AZIN2: variants seen among roughly 807,000 people sequenced by gnomAD.
The protein encoded by AZIN2 is antizyme inhibitor 2.
Under a neutral mutation model 47.8 loss-of-function variants are expected in AZIN2, and 28 were observed. The ratio of observed to expected loss-of-function variants is 0.59; its 90% CI spans 0.43 to 0.80. The LOEUF (loss-of-function observed/expected upper bound fraction) is 0.80, where lower values mean the gene tolerates loss of function less well. Among genes scored for constraint, AZIN2 ranks in the 30% least tolerant of loss-of-function variants. The pLI is 0.00. For missense variants in AZIN2, 535 were observed against 582.5 expected (o/e 0.92, Z 0.84); for synonymous variants, 221 against 239.4 (o/e 0.92, Z 0.71).
In AZIN2 at chr1:33,121,667, T is replaced by C. The variant is rs1287838388; in HGVS notation, c.*1485T>C. Among the ~76,000 whole-genome samples the C allele has an allele frequency of 6.6e-6, 1 of 152,198 alleles. No individual in the cohort carries two copies. Among genetic ancestry groups the C allele is most frequent in the African/African-American group, 2.4e-5 (1 of 41,458 alleles). ...ACCATCACCCTAGAAAGAAATCCCA[T>C]ACCCATTAGCAGTCACTCTCCATTT... On this transcript the variant is annotated 3_prime_UTR_variant, in exon 12 of 12. Coordinates refer to ENST00000294517, the MANE Select transcript of AZIN2 (RefSeq NM_052998.4).
Position 33,122,944 on chromosome 1 carries a change from G to A in AZIN2, c.*2762G>A, listed in dbSNP as rs1188666939. On this transcript the variant is annotated 3_prime_UTR_variant, in exon 12 of 12. Coordinates refer to ENST00000294517, the MANE Select transcript of AZIN2 (RefSeq NM_052998.4). The stretch of plus-strand genomic sequence containing the variant: ...CAGCAGCCAGATGCCGTACCTCCTG[G>A]GATTCCGTTTCACCAAGAATGAAAT... Among the ~76,000 whole-genome samples, 1 of 152,050 alleles carries A rather than the reference G, an allele frequency of 6.6e-6. No individual in the cohort carries two copies. Among genetic ancestry groups the A allele is most frequent in the African/African-American group, 2.4e-5 (1 of 41,382 alleles).
In AZIN2 at chr1:33,109,152, G is replaced by A. The variant is rs184119237; in HGVS notation, c.1030-8750G>A. On this transcript the variant is annotated intron_variant, in intron 10 of 11. Transcript: ENST00000294517. The stretch of plus-strand genomic sequence containing the variant: ...TTGCCATCTGTATATATTCTTTGGC[G>A]AAGTATCTGTTAAAGTCCTTTGACC... Among the ~76,000 whole-genome samples the A allele has an allele frequency of 1.9e-4, 29 of 152,178 alleles. No individual in the cohort carries two copies. The East Asian group carries it at 4.6e-3, about 24-fold the overall frequency.
chr1:33,158,417 C>G, the AZIN2 span: 1 of 1,563,728 alleles, frequency 6.4e-7, no homozygotes, highest in South Asian at 1.1e-5. Context: ...GGATTCCTGC[C>G]CCAATGCCAG....
At chr1:33,118,606 A>G (rs924139919) in intron 11 of AZIN2, 3 of 156,928 alleles carry the variant, frequency 1.9e-5, no homozygotes, top group African/African-American at 7.2e-5. Context: ...AAGCAGGGGC[A>G]TAACACAGTC....
At chr1:33,107,279 A>G (rs1185603338) in intron 10 of AZIN2, among the ~76,000 whole-genome samples, 10 of 145,742 alleles carry the variant, frequency 6.9e-5, no homozygotes, top group Non-Finnish European at 6.0e-5. Context: ...GTGAGACTCC[A>G]TCTCACACAC....
At chr1:33,111,819 G>T (rs1472378992) in intron 10 of AZIN2, among the ~76,000 whole-genome samples, 1 of 151,962 alleles carries the variant, frequency 6.6e-6, no homozygotes, top group Non-Finnish European at 1.5e-5. Context: ...TGGCCAGGCT[G>T]GTCTTGAACT....
chr1:33,087,893 T>G (rs187525715), intron 5 of AZIN2, among the ~76,000 whole-genome samples: 166 of 152,324 alleles, frequency 1.1e-3, no homozygotes, highest in African/African-American at 3.7e-3. Context: ...TCCAGACACA[T>G]GTCTCGCTGT....
chr1:33,088,453 C>T (rs372310885), intron 5 of AZIN2, among the ~76,000 whole-genome samples: 59 of 152,342 alleles, frequency 3.9e-4, no homozygotes, highest in African/African-American at 1.3e-3. Context: ...CCCCAGAATC[C>T]CCTTGGGCCC....
intron 10 of AZIN2, chr1:33,101,762 G>GT (rs1018318837): frequency 1.3e-5 from 9 of 713,920 alleles, no homozygotes; most frequent in Middle Eastern, 2.3e-4. Context: ...TATTATATTT[G>GT]TTTTTTTGCT....
At chr1:33,165,698 G>T in the AZIN2 span, 1 of 668,360 alleles carries the variant, frequency 1.5e-6, no homozygotes, top group Non-Finnish European at 2.4e-6. The surrounding 1 kb of genome is among the most constrained non-coding windows in gnomAD (Gnocchi z 4.0). Context: ...TCCCGTCACA[G>T]TTCAACCACC....
intron 5 of AZIN2, among the ~76,000 whole-genome samples, chr1:33,091,011 T>G (rs1569950835): frequency 1.0e-5 from 1 of 96,428 alleles, no homozygotes; most frequent in African/African-American, 2.7e-5. Context: ...TCCATGTTGC[T>G]GCAAATGACA....
At chr1:33,149,199 C>A in the AZIN2 span, among the ~76,000 whole-genome samples, 111,385 of 152,078 alleles carry the variant, frequency 0.73, 40,825 homozygotes, top group Admixed American at 0.76. Flanking sequence ...ATCCCCCAGG[C>A]GGGAATGCAG....
At chr1:33,096,648 C>G in intron 8 of AZIN2, 59 bp from the exon 9 acceptor site, 1 of 1,591,704 alleles carries the variant, frequency 6.3e-7, no homozygotes, top group East Asian at 2.2e-5. Flanking sequence ...TGTAGCAAGT[C>G]TTCAGCATAA....
intron 10 of AZIN2, among the ~76,000 whole-genome samples, chr1:33,112,672 A>G (rs1048304419): frequency 6.6e-6 from 1 of 152,214 alleles, no homozygotes; most frequent in Non-Finnish European, 1.5e-5. Context: ...GGTGGTAAGT[A>G]CACAGATATT....
At chr1:33,098,014 A>G (rs1557692188) in intron 9 of AZIN2, 53 bp from the exon 10 acceptor site, 4 of 1,366,268 alleles carry the variant, frequency 2.9e-6, no homozygotes, top group South Asian at 1.2e-5. Flanking sequence ...CAGCCCCACT[A>G]CCACCCCCTC....
At chr1:33,090,194 T>C (rs942458592) in intron 5 of AZIN2, among the ~76,000 whole-genome samples, 6 of 152,312 alleles carry the variant, frequency 3.9e-5, no homozygotes, top group Middle Eastern at 3.4e-3. Context: ...ACAAAGGCAG[T>C]TGAGAAGTTG....
chr1:33,135,475 AG>A, the AZIN2 span, among the ~76,000 whole-genome samples: 2 of 152,182 alleles, frequency 1.3e-5, no homozygotes, highest in Non-Finnish European at 1.5e-5. Context: ...AGCTGTCGTT[AG>A]GCATTACTAT....
chr1:33,155,821 G>A, the AZIN2 span, among the ~76,000 whole-genome samples: 1 of 152,178 alleles, frequency 6.6e-6, no homozygotes, highest in Admixed American at 6.5e-5. Flanking sequence ...CCTTGGGGGG[G>A]ATCTGTGATT....
chr1:33,093,404 T>C lies in AZIN2; in HGVS notation c.575T>C (p.Val192Ala). The change falls in exon 7 of 12, where the codon GTG becomes GCG. Residue 192 changes from valine (V) to alanine (A), a missense_variant. This residue lies in a region of AZIN2 where 409 missense variants were observed against 429.0 expected (regional missense o/e 0.95). Transcript: ENST00000294517. Reference protein sequence around the residue: ...LENAKKHHVEVVGVSFHIGSG... With the variant: ...LENAKKHHVEAVGVSFHIGSG... The stretch of plus-strand genomic sequence containing the variant: ...AATGCGAAGAAGCACCATGTGGAGG[T>C]GGTGGGTGTGAGGTGAGCACTGGGA... 1 of 1,613,748 alleles carries C rather than the reference T, an allele frequency of 6.2e-7. No individual in the cohort carries two copies. The highest frequency in any genetic ancestry group is 8.5e-7 in the Non-Finnish European group (1 of 1,179,836).
Sources: allele counts gnomAD v4.1 joint callset (sites outside exome capture counted in the v4.1 genomes callset), GRCh38; gene constraint gnomAD v4.1.1; regional missense constraint gnomAD v4.1.1; non-coding constraint Gnocchi (gnomAD v3.1); transcripts MANE v1.5; gene names NCBI Gene and HGNC (gene_info 2026-07-23, HGNC 2026-07-21).